LRP1B: variants seen among roughly 807,000 people sequenced by gnomAD.
The protein encoded by LRP1B is LDL receptor related protein 1B.
Under a neutral mutation model 556.6 loss-of-function variants are expected in LRP1B, and 217 were observed. That is an observed-to-expected ratio of 0.39 (90% CI 0.35 to 0.44). LRP1B has a LOEUF of 0.44. LRP1B is among the 20% of genes least tolerant of loss of function. The pLI is 1.00. For missense variants in LRP1B, 5,053 were observed against 5,620.8 expected (o/e 0.90, Z 3.23); for synonymous variants, 2,047 against 1,865.8 (o/e 1.10, Z -2.50).
chr2:140,358,471 A>G (rs947310734), intron 73 of LRP1B, among the ~76,000 whole-genome samples: 20 of 151,676 alleles, frequency 1.3e-4, no homozygotes, highest in African/African-American at 4.8e-4. Flanking sequence ...AAACTTTTTG[A>G]ACTTCGGAAT....
intron 41 of LRP1B, among the ~76,000 whole-genome samples, chr2:140,661,504 TAAAAAA>T (rs71408466): frequency 8.2e-6 from 1 of 122,598 alleles, no homozygotes; most frequent in Admixed American, 8.2e-5. Flanking sequence ...TACAAATAAT[TAAAAAA>T]AAAAAAAAAA....
chr2:141,169,540 T>C (rs1275737079), intron 7 of LRP1B, among the ~76,000 whole-genome samples: 1 of 151,746 alleles, frequency 6.6e-6, no homozygotes, highest in African/African-American at 2.4e-5. Flanking sequence ...GATCCTGCAC[T>C]GCACGATACA....
At chr2:141,014,533 G>A (rs1020284670) in intron 13 of LRP1B, among the ~76,000 whole-genome samples, 1 of 151,938 alleles carries the variant, frequency 6.6e-6, no homozygotes, top group African/African-American at 2.4e-5. Context: ...CTGAATACAA[G>A]ATGAAAAAGA....
intron 31 of LRP1B, among the ~76,000 whole-genome samples, chr2:140,839,653 G>A (rs1026435364): frequency 1.3e-5 from 2 of 152,086 alleles, no homozygotes; most frequent in African/African-American, 2.4e-5. Flanking sequence ...CTGCGCTGTC[G>A]GCTTTCCTAC....
chr2:141,239,101 A>G (rs1399970707), intron 5 of LRP1B, among the ~76,000 whole-genome samples: 2 of 152,144 alleles, frequency 1.3e-5, no homozygotes, highest in African/African-American at 4.8e-5. Context: ...TGAACGCTGA[A>G]TCATGCCAAA....
chr2:140,681,484 T>C (rs1024124686), intron 41 of LRP1B, among the ~76,000 whole-genome samples: 26 of 152,124 alleles, frequency 1.7e-4, no homozygotes, highest in African/African-American at 6.0e-4. Context: ...GTACTTCTGT[T>C]AAAGAGATGA....
At chr2:140,274,737 T>G in intron 84 of LRP1B, 139 bp from the exon 85 acceptor site, 2 of 653,832 alleles carry the variant, frequency 3.1e-6, no homozygotes, top group Non-Finnish European at 5.1e-6. Context: ...TAATTACACA[T>G]GAAGTAGAAT....
At chr2:140,243,953 C>T (rs937856213) in intron 87 of LRP1B, among the ~76,000 whole-genome samples, 2 of 151,250 alleles carry the variant, frequency 1.3e-5, no homozygotes, top group Non-Finnish European at 3.0e-5. Flanking sequence ...GTTTTTGCTT[C>T]CTTCACGGAC....
chr2:140,788,106 T>A (rs1689972492), intron 32 of LRP1B, among the ~76,000 whole-genome samples: 1 of 152,208 alleles, frequency 6.6e-6, no homozygotes, highest in East Asian at 1.9e-4. Flanking sequence ...TCCTCTAATA[T>A]GTAAAATGAG....
chr2:140,409,603 AT>A (rs989129845), intron 66 of LRP1B, among the ~76,000 whole-genome samples: 8 of 151,814 alleles, frequency 5.3e-5, no homozygotes, highest in Non-Finnish European at 7.4e-5. Context: ...ATCCTAGCTA[AT>A]TTTTTTTAGT....
At chr2:141,834,275 G>T (rs1376577796) in intron 1 of LRP1B, among the ~76,000 whole-genome samples, 1 of 151,772 alleles carries the variant, frequency 6.6e-6, no homozygotes, top group African/African-American at 2.4e-5. Flanking sequence ...TGAACACTTC[G>T]GAGAATGATG....
At chr2:141,114,610 A>G (rs56033374) in intron 7 of LRP1B, among the ~76,000 whole-genome samples, 2,666 of 152,202 alleles carry the variant, frequency 0.018, 36 homozygotes, top group Middle Eastern at 0.031. Context: ...TGGGGTTTAT[A>G]TGAACAAAGG....
At chr2:141,322,921 A>G (rs1203171025) in intron 3 of LRP1B, among the ~76,000 whole-genome samples, 1 of 152,106 alleles carries the variant, frequency 6.6e-6, no homozygotes, top group African/African-American at 2.4e-5. Context: ...TTGCAGTCCT[A>G]TAACTTACAT....
intron 86 of LRP1B, among the ~76,000 whole-genome samples, chr2:140,258,895 G>T: frequency 6.6e-6 from 1 of 152,170 alleles, no homozygotes; most frequent in African/African-American, 2.4e-5. Flanking sequence ...TTGCAAATTA[G>T]AAGTCATTAA....
intron 63 of LRP1B, among the ~76,000 whole-genome samples, chr2:140,448,084 G>T (rs1035082513): frequency 6.6e-6 from 1 of 151,802 alleles, no homozygotes; most frequent in Non-Finnish European, 1.5e-5. Flanking sequence ...AAAAAAAATT[G>T]AACTAGTGTG....
intron 2 of LRP1B, among the ~76,000 whole-genome samples, chr2:141,641,809 A>G (rs1689347206): frequency 6.6e-6 from 1 of 152,198 alleles, no homozygotes; most frequent in South Asian, 2.1e-4. Flanking sequence ...ATGATTAATA[A>G]CATTGTTTAA....
Position 140,723,390 on chromosome 2 carries a change from C to T in LRP1B, c.5759-6574G>A, listed in dbSNP as rs79655898. On this transcript the variant is annotated intron_variant, in intron 35 of 90. Transcript: ENST00000389484. ...ATTATTATTCAAATAGTAGCAAGTGCAACATGGGCAAGGAAAAAATTTTGA... is the reference window on the plus strand; with the variant it reads ...ATTATTATTCAAATAGTAGCAAGTGTAACATGGGCAAGGAAAAAATTTTGA... Among the ~76,000 whole-genome samples the T allele has an allele frequency of 6.6e-3, 1,003 of 152,002 alleles. 6 individuals carry two copies. The highest frequency in any genetic ancestry group is 0.023 in the African/African-American group (954 of 41,458).
At chr2:140,257,553 AATATG>A (rs1000550059) in intron 86 of LRP1B, among the ~76,000 whole-genome samples, 1 of 152,142 alleles carries the variant, frequency 6.6e-6, no homozygotes, top group African/African-American at 2.4e-5. Context: ...TGGACAGAAA[AATATG>A]ATATGTGTTC....
At chr2:140,795,787 G>A (rs1188688488) in intron 32 of LRP1B, among the ~76,000 whole-genome samples, 1 of 152,124 alleles carries the variant, frequency 6.6e-6, no homozygotes, top group African/African-American at 2.4e-5. Context: ...CTCGCCAGAT[G>A]AGGACACAAT....
Sources: allele counts gnomAD v4.1 joint callset (sites outside exome capture counted in the v4.1 genomes callset), GRCh38; gene constraint gnomAD v4.1.1; transcripts MANE v1.5; gene names NCBI Gene and HGNC (gene_info 2026-07-23, HGNC 2026-07-21).